The following DPP10 variants were observed in gnomAD, a reference collection of about 807,000 sequenced individuals.
DPP10 encodes dipeptidyl peptidase like 10.
In DPP10, 33 loss-of-function variants were observed where a neutral mutation model predicts 120.9. That is an observed-to-expected ratio of 0.27 (90% CI 0.21 to 0.37). DPP10 has a LOEUF of 0.37. Ranked by LOEUF, DPP10 falls within the 10% of genes least tolerant of loss-of-function variation. The pLI is 1.00. For missense variants in DPP10, 816 were observed against 942.8 expected, an observed-to-expected ratio of 0.87 and a Z score of 1.76; for synonymous variants, 337 against 326.1, an observed-to-expected ratio of 1.03 and a Z score of -0.36.
intron 1 of DPP10, among the ~76,000 whole-genome samples, chr2:114,582,313 G>T (rs1220886057): frequency 6.6e-6 from 1 of 152,102 alleles, no homozygotes; most frequent in Non-Finnish European, 1.5e-5. Context: ...CCATTGTCTA[G>T]GTGCGCCATA....
Position 114,814,107 on chromosome 2 carries a change from G to A in DPP10, c.60+371269G>A, listed in dbSNP as rs375993087. On this transcript the variant is annotated intron_variant, in intron 1 of 25. Transcript: ENST00000410059. ...TCACCATTTTGGTAGACACTATGAC[G>A]GATAACAAAAGGTAATAGGCATAGT... Among the ~76,000 whole-genome samples the A allele has an allele frequency of 7.3e-4, 111 of 152,168 alleles. 1 individual carries two copies. The South Asian group carries it at 0.023, about 31-fold the overall frequency.
At position 115,193,479 on chromosome 2, in the gene DPP10, TAAAG is replaced by T. The variant is rs1238647389; in HGVS notation, c.61-115755_61-115752del. Among the ~76,000 whole-genome samples the T allele has an allele frequency of 3.9e-5, 6 of 152,362 alleles. No individual in the cohort carries two copies. In the East Asian group the frequency reaches 9.6e-4, roughly 24 times the overall value. ...AAACCTGTAAGTTTGGGATTTTAAT[TAAAG>T]AAAGGCTTTTCTGATGTCCAGGGCC... On this transcript the variant is annotated intron_variant, in intron 1 of 25. Coordinates refer to ENST00000410059, the MANE Select transcript of DPP10 (RefSeq NM_020868.6).
chr2:115,245,938 A>G (rs1341270614), intron 1 of DPP10, among the ~76,000 whole-genome samples: 1 of 152,094 alleles, frequency 6.6e-6, no homozygotes, highest in East Asian at 1.9e-4. Flanking sequence ...ATTTTTTTAA[A>G]TTGACTTTTG....
intron 4 of DPP10, among the ~76,000 whole-genome samples, chr2:115,512,038 C>T (rs2077260468): frequency 6.6e-6 from 1 of 151,668 alleles, no homozygotes; most frequent in African/African-American, 2.4e-5. Context: ...GACTTCCTCC[C>T]TCCCTTCCCC....
intron 1 of DPP10, among the ~76,000 whole-genome samples, chr2:114,643,619 T>C (rs1369962445): frequency 2.0e-5 from 3 of 151,882 alleles, no homozygotes; most frequent in African/African-American, 7.3e-5. Context: ...TCTTCATTTA[T>C]TTGTGATTTT....
In DPP10 at chr2:114,782,324, GTGGAATATATATATATATATA is replaced by G. The variant is rs570658521; in HGVS notation, c.60+339500_60+339520del. Among the ~76,000 whole-genome samples, 84 of 125,820 alleles carry G rather than the reference GTGGAATATATATATATATATA, an allele frequency of 6.7e-4. No homozygotes were observed. In the East Asian group the frequency reaches 0.012, roughly 18 times the overall value. The allele number at this position is 125,820 out of a possible 152,430, so 82.5% of individuals were successfully genotyped here. On this transcript the variant is annotated intron_variant, in intron 1 of 25. Transcript: ENST00000410059. ...CTTAGTCTTACCTCCAGTGAAACCT[GTGGAATATATATATATATATA>G]TGGAATATATATACACATATATGTA...
intron 2 of DPP10, among the ~76,000 whole-genome samples, chr2:115,322,708 T>G (rs2062122893): frequency 6.6e-6 from 1 of 152,234 alleles, no homozygotes; most frequent in Non-Finnish European, 1.5e-5. Flanking sequence ...AGGTTTAGTT[T>G]CAGAACACTG....
intron 2 of DPP10, among the ~76,000 whole-genome samples, chr2:115,343,377 G>A (rs1489906411): frequency 1.3e-5 from 2 of 152,106 alleles, no homozygotes; most frequent in Non-Finnish European, 2.9e-5. Flanking sequence ...TGACTTGAGA[G>A]TTTAGTCATA....
intron 19 of DPP10, among the ~76,000 whole-genome samples, chr2:115,801,274 T>C (rs2149971249): frequency 6.6e-6 from 1 of 152,314 alleles, no homozygotes; most frequent in East Asian, 1.9e-4. Context: ...GTGATTTTTG[T>C]ACATTGATTT....
intron 5 of DPP10, among the ~76,000 whole-genome samples, chr2:115,632,624 T>A (rs1249726979): frequency 2.0e-5 from 3 of 152,204 alleles, no homozygotes; most frequent in Non-Finnish European, 4.4e-5. Context: ...AGATGTGAAA[T>A]TCTGGGTTGG....
intron 1 of DPP10, among the ~76,000 whole-genome samples, chr2:115,132,876 TTA>T (rs1179895779): frequency 5.3e-5 from 8 of 152,066 alleles, no homozygotes; most frequent in Non-Finnish European, 1.0e-4. Context: ...ACATCTTGAT[TTA>T]TACCTAAAAA....
At chr2:115,632,093 T>C (rs2085920239) in intron 5 of DPP10, among the ~76,000 whole-genome samples, 1 of 152,246 alleles carries the variant, frequency 6.6e-6, no homozygotes, top group Non-Finnish European at 1.5e-5. Flanking sequence ...ATCTGGGTTC[T>C]TCTGTATTGG....
chr2:114,658,239 G>C (rs1369464891), intron 1 of DPP10, among the ~76,000 whole-genome samples: 1 of 152,124 alleles, frequency 6.6e-6, no homozygotes, highest in Non-Finnish European at 1.5e-5. Context: ...ATAAGATTTG[G>C]AAGTATGGAG....
chr2:115,378,815 G>A (rs1450096098), intron 3 of DPP10, among the ~76,000 whole-genome samples: 1 of 152,058 alleles, frequency 6.6e-6, no homozygotes, highest in African/African-American at 2.4e-5. Flanking sequence ...ATAATCATGT[G>A]GTTTTTGTCT....
At chr2:115,083,021 A>G (rs1053750269) in intron 1 of DPP10, among the ~76,000 whole-genome samples, 53 of 152,204 alleles carry the variant, frequency 3.5e-4, no homozygotes, top group Admixed American at 2.6e-4. Context: ...ATTTTACAGT[A>G]TCTGACAGTA....
At chr2:114,596,841 G>GT (rs1274395247) in intron 1 of DPP10, among the ~76,000 whole-genome samples, 1 of 151,928 alleles carries the variant, frequency 6.6e-6, no homozygotes, top group Non-Finnish European at 1.5e-5. Flanking sequence ...CTCTGCTGTT[G>GT]TTACATTATC....
At chr2:114,515,232 C>G (rs1050190335) in intron 1 of DPP10, among the ~76,000 whole-genome samples, 1 of 152,116 alleles carries the variant, frequency 6.6e-6, no homozygotes, top group Non-Finnish European at 1.5e-5. Flanking sequence ...AGAATAATGA[C>G]TCTTGTGTCT....
At chr2:115,133,109 A>ATATG (rs2050442686) in intron 1 of DPP10, among the ~76,000 whole-genome samples, 2 of 106,802 alleles carry the variant, frequency 1.9e-5, no homozygotes, top group Non-Finnish European at 3.9e-5. Context: ...ATATATATGT[A>ATATG]TATGTATGTG....
intron 5 of DPP10, among the ~76,000 whole-genome samples, chr2:115,602,923 T>G (rs1320148676): frequency 6.6e-6 from 1 of 152,232 alleles, no homozygotes; most frequent in African/African-American, 2.4e-5. Flanking sequence ...TTATAATTAT[T>G]TTTAAATAAG....
Sources: gnomAD v4.1 joint callset for allele counts (sites outside exome capture counted in the v4.1 genomes callset) on GRCh38, gnomAD v4.1.1 for gene constraint, MANE v1.5 for transcripts, NCBI Gene and HGNC (gene_info 2026-07-23, HGNC 2026-07-21) for gene names.